Variants in KIAA1549L observed in about 807,000 individuals in gnomAD.
KIAA1549L encodes KIAA1549 like.
KIAA1549L carries 88 observed loss-of-function variants against 160.7 expected under a neutral mutation model. The observed-to-expected ratio is 0.55, with a 90% CI of 0.46 to 0.65. KIAA1549L has a LOEUF of 0.65. KIAA1549L is among the 30% of genes least tolerant of loss of function. KIAA1549L has a pLI of 0.00. For synonymous variants in KIAA1549L, 950 were observed against 976.7 expected (o/e 0.97, Z 0.51); for missense variants, 2,258 against 2,437.5 (o/e 0.93, Z 1.55).
chr11:33,478,924 C>G (rs753523997), intron 1 of KIAA1549L, among the ~76,000 whole-genome samples: 3 of 152,110 alleles, frequency 2.0e-5, no homozygotes, highest in Admixed American at 6.5e-5. Context: ...AGCCACCATG[C>G]CCAGCCACAG....
chr11:33,518,714 G>A (rs1320844931), intron 1 of KIAA1549L, among the ~76,000 whole-genome samples: 1 of 152,072 alleles, frequency 6.6e-6, no homozygotes, highest in Non-Finnish European at 1.5e-5. Context: ...ATGTTCTAAA[G>A]TTGCCATTAA....
chr11:33,439,544 A>T (rs1851451179), intron 1 of KIAA1549L, among the ~76,000 whole-genome samples: 1 of 148,750 alleles, frequency 6.7e-6, no homozygotes, highest in East Asian at 2.0e-4. Context: ...CTGGGACTAC[A>T]GGCGCCCACC....
chr11:33,646,089 G>T (rs1458558222), intron 17 of KIAA1549L, 53 bp downstream of exon 17: 7 of 1,370,016 alleles, frequency 5.1e-6, no homozygotes, highest in Non-Finnish European at 7.0e-6. Flanking sequence ...TGCCCAGTGA[G>T]TTCCAACAGG....
intron 1 of KIAA1549L, among the ~76,000 whole-genome samples, chr11:33,420,257 A>AG (rs1850983821): frequency 8.5e-6 from 1 of 117,252 alleles, no homozygotes; most frequent in Non-Finnish European, 1.8e-5. Context: ...TTTTTGAGAC[A>AG]GGATCTTACT....
chr11:33,599,151 C>T (rs1322163622), intron 13 of KIAA1549L: 4 of 459,190 alleles, frequency 8.7e-6, no homozygotes, highest in African/African-American at 2.0e-5. Context: ...TGTCCTGTCT[C>T]ACTTCCTCCG....
chr11:33,541,280 C>T (rs1390842340), intron 1 of KIAA1549L, among the ~76,000 whole-genome samples: 1 of 152,214 alleles, frequency 6.6e-6, no homozygotes, highest in Non-Finnish European at 1.5e-5. Flanking sequence ...TGAATGATAG[C>T]ACCTGGAATC....
chr11:33,436,716 G>T (rs1851388351), intron 1 of KIAA1549L, among the ~76,000 whole-genome samples: 1 of 152,196 alleles, frequency 6.6e-6, no homozygotes, highest in African/African-American at 2.4e-5. Flanking sequence ...TGGTAATGGT[G>T]GAGGCTGAAC....
At chr11:33,454,837 C>A (rs1851789772) in intron 1 of KIAA1549L, among the ~76,000 whole-genome samples, 1 of 152,200 alleles carries the variant, frequency 6.6e-6, no homozygotes, top group Non-Finnish European at 1.5e-5. Context: ...CGCCTGTAAT[C>A]TCAGCACTTT....
At chr11:33,646,165 C>CTCATCCCA in intron 17 of KIAA1549L, 129 bp downstream of exon 17, 1 of 708,720 alleles carries the variant, frequency 1.4e-6, no homozygotes. Context: ...ATGCCAGGCC[C>CTCATCCCA]TCATCCCATC....
chr11:33,624,259 G>GGCAGTTCCCTGCAAGA (rs1351389997), intron 16 of KIAA1549L, among the ~76,000 whole-genome samples: 1 of 152,166 alleles, frequency 6.6e-6, no homozygotes, highest in Non-Finnish European at 1.5e-5. Flanking sequence ...TTTAGCCAAG[G>GGCAGTTCCCTGCAAGA]GCAGTTCCCT....
In KIAA1549L at chr11:33,618,611, TC is replaced by T; in HGVS notation, c.5359del (p.Leu1787TrpfsTer2). On this transcript the variant is annotated frameshift_variant, in exon 16 of 21. Coordinates refer to ENST00000658780, the MANE Select transcript of KIAA1549L (RefSeq NM_012194.3). LOFTEE classifies it high-confidence loss of function. ...GTCCAGGGGAAACCGAGATGGACCT[TC>T]TGGTGACTCGGGAGCGACCCCGGCG... ...PSPGETEMDL[L>X]VTRERPRRGI... 1 of 1,608,450 alleles carries T rather than the reference TC, an allele frequency of 6.2e-7. No homozygotes were observed. Among genetic ancestry groups the T allele is most frequent in the Non-Finnish European group, 8.5e-7 (1 of 1,176,906 alleles).
chr11:33,483,671 T>C (rs1056248299), intron 1 of KIAA1549L, among the ~76,000 whole-genome samples: 3 of 152,098 alleles, frequency 2.0e-5, no homozygotes, highest in African/African-American at 7.2e-5. Context: ...AACTGAATCA[T>C]GGGGGATGGT....
intron 1 of KIAA1549L, among the ~76,000 whole-genome samples, chr11:33,433,790 G>A (rs1851299896): frequency 6.6e-6 from 1 of 152,178 alleles, no homozygotes. Flanking sequence ...TCTTTGCAGA[G>A]ACTTAGATGA....
intron 17 of KIAA1549L, among the ~76,000 whole-genome samples, chr11:33,651,870 T>TC (rs1334197274): frequency 0.68 from 16,535 of 24,142 alleles, 5,230 homozygotes; most frequent in African/African-American, 0.87. Context: ...TCCCCTCCCC[T>TC]CCCCCCCTTT....
chr11:33,461,466 G>A (rs998576275), intron 1 of KIAA1549L, among the ~76,000 whole-genome samples: 3 of 152,138 alleles, frequency 2.0e-5, no homozygotes, highest in African/African-American at 7.2e-5. Flanking sequence ...ATGCCAGACT[G>A]CCTCCCTCAG....
At chr11:33,561,068 G>C (rs190071710) in intron 7 of KIAA1549L, among the ~76,000 whole-genome samples, 29 of 152,282 alleles carry the variant, frequency 1.9e-4, no homozygotes, top group African/African-American at 7.0e-4. Context: ...ATCAACTCCA[G>C]TAGGCCCCAT....
intron 1 of KIAA1549L, among the ~76,000 whole-genome samples, chr11:33,464,509 T>TGTGTGC (rs986852330): frequency 3.6e-5 from 5 of 139,762 alleles, no homozygotes; most frequent in East Asian, 2.0e-4. Flanking sequence ...TGTGTGTGTG[T>TGTGTGC]GTGCGTGCGC....
intron 1 of KIAA1549L, among the ~76,000 whole-genome samples, chr11:33,448,897 T>A (rs1851667819): frequency 6.6e-6 from 1 of 152,242 alleles, no homozygotes; most frequent in African/African-American, 2.4e-5. Flanking sequence ...GAATTTTGGC[T>A]GGTCCCCATC....
intron 1 of KIAA1549L, among the ~76,000 whole-genome samples, chr11:33,500,428 A>C (rs1020147233): frequency 6.6e-6 from 1 of 152,238 alleles, no homozygotes; most frequent in Non-Finnish European, 1.5e-5. Flanking sequence ...CAGCATTAAT[A>C]AAGCAAGCAA....
Sources: gnomAD v4.1 joint callset for allele counts (sites outside exome capture counted in the v4.1 genomes callset) on GRCh38, gnomAD v4.1.1 for gene constraint, MANE v1.5 for transcripts, NCBI Gene and HGNC (gene_info 2026-07-23, HGNC 2026-07-21) for gene names.